The following PHACTR1 variants were observed in gnomAD, a reference collection of about 807,000 sequenced individuals.
The protein encoded by PHACTR1 is phosphatase and actin regulator 1.
In PHACTR1, 16 loss-of-function variants were observed where a neutral mutation model predicts 69.2. The ratio of observed to expected loss-of-function variants is 0.23; its 90% confidence interval spans 0.16 to 0.35. The LOEUF (loss-of-function observed/expected upper bound fraction) is 0.35, where lower values mean the gene tolerates loss of function less well. Among genes scored for constraint, PHACTR1 ranks in the 10% least tolerant of loss-of-function variants. PHACTR1 has a pLI of 1.00. For missense variants in PHACTR1, 510 were observed against 734.7 expected, an observed-to-expected ratio of 0.69 and a Z score of 3.54; for synonymous variants, 312 against 284.5, an observed-to-expected ratio of 1.10 and a Z score of -0.97.
At chr6:12,821,841 C>T (rs1327890442) in intron 4 of PHACTR1, among the ~76,000 whole-genome samples, 1 of 152,182 alleles carries the variant, frequency 6.6e-6, no homozygotes, top group African/African-American at 2.4e-5. Context: ...TGTCAAAGGT[C>T]ACACAAACTG....
At chr6:13,041,339 TACACAC>T (rs368368056) in intron 4 of PHACTR1, among the ~76,000 whole-genome samples, 2,174 of 135,456 alleles carry the variant, frequency 0.016, 65 homozygotes, top group African/African-American at 0.056. Flanking sequence ...TTAAAATACA[TACACAC>T]ACACACACAC....
chr6:12,784,610 A>G (rs1581733703), intron 4 of PHACTR1, among the ~76,000 whole-genome samples: 1 of 151,418 alleles, frequency 6.6e-6, no homozygotes, highest in South Asian at 2.1e-4. Flanking sequence ...ATCTATACAC[A>G]TATATGATGA....
chr6:12,845,296 A>G (rs761425259), intron 4 of PHACTR1, among the ~76,000 whole-genome samples: 2 of 152,098 alleles, frequency 1.3e-5, no homozygotes, highest in Non-Finnish European at 2.9e-5. Context: ...TACCCATCAC[A>G]TAGGCCAGCA....
intron 5 of PHACTR1, among the ~76,000 whole-genome samples, chr6:13,125,741 C>G (rs188536873): frequency 6.6e-6 from 1 of 152,182 alleles, no homozygotes; most frequent in East Asian, 1.9e-4. Flanking sequence ...CCAGCCTGGG[C>G]AACATGGCAA....
chr6:13,129,876 A>G (rs1820139222), intron 5 of PHACTR1, among the ~76,000 whole-genome samples: 1 of 152,130 alleles, frequency 6.6e-6, no homozygotes, highest in Non-Finnish European at 1.5e-5. Context: ...TACATGGAGC[A>G]TTCTCCAAGA....
intron 5 of PHACTR1, among the ~76,000 whole-genome samples, chr6:13,066,315 AAGTC>A (rs1808623107): frequency 1.3e-5 from 2 of 152,218 alleles, no homozygotes; most frequent in Admixed American, 1.3e-4. Flanking sequence ...GTTGAACTGA[AAGTC>A]AGTAAGACAG....
At chr6:12,966,694 C>A (rs1047652504) in intron 4 of PHACTR1, among the ~76,000 whole-genome samples, 14 of 151,964 alleles carry the variant, frequency 9.2e-5, no homozygotes, top group African/African-American at 2.7e-4. Context: ...GTTGATATTG[C>A]AAAAGGGTGG....
chr6:12,828,208 G>A (rs948258624), intron 4 of PHACTR1, among the ~76,000 whole-genome samples: 14 of 152,056 alleles, frequency 9.2e-5, no homozygotes, highest in African/African-American at 1.4e-4. Context: ...TAAAATTCTC[G>A]GCTTAAAGTG....
chr6:13,136,976 A>G (rs1821664553), intron 5 of PHACTR1, among the ~76,000 whole-genome samples: 1 of 152,250 alleles, frequency 6.6e-6, no homozygotes, highest in South Asian at 2.1e-4. Context: ...AAAAATTGCA[A>G]GAATTATCAA....
At position 13,197,274 on chromosome 6, in the gene PHACTR1, G is replaced by A. The variant is rs76313245; in HGVS notation, c.665-8541G>A. Among the ~76,000 whole-genome samples, 73 of 152,320 alleles carry A rather than the reference G, an allele frequency of 4.8e-4. No homozygotes were observed. In the East Asian group the frequency reaches 0.013, roughly 27 times the overall value. On this transcript the variant is annotated intron_variant, in intron 7 of 14. Coordinates refer to ENST00000332995, the MANE Select transcript of PHACTR1 (RefSeq NM_030948.6). ...TTTGTAAAATTAGAAAAAGTGCCCT[G>A]TAGAGGATGCCCCTTCCTCTAGAGT...
chr6:12,737,579 T>G (rs1764448387), intron 3 of PHACTR1, among the ~76,000 whole-genome samples: 1 of 150,154 alleles, frequency 6.7e-6, no homozygotes, highest in East Asian at 2.0e-4. Flanking sequence ...TACTTTACTG[T>G]GTATTTCTTT....
At chr6:12,942,062 GAAAAGTACCCATAAGA>G (rs1790113293) in intron 4 of PHACTR1, among the ~76,000 whole-genome samples, 1 of 152,186 alleles carries the variant, frequency 6.6e-6, no homozygotes, top group African/African-American at 2.4e-5. Context: ...GGGATTAAAG[GAAAAGTACCCATAAGA>G]AAATCTCTGC....
intron 4 of PHACTR1, among the ~76,000 whole-genome samples, chr6:12,826,871 C>A (rs1056669068): frequency 6.6e-6 from 1 of 152,162 alleles, no homozygotes; most frequent in Admixed American, 6.5e-5. Flanking sequence ...CTCCACGACA[C>A]CCTGACTGAC....
chr6:13,022,244 G>T lies in PHACTR1; in HGVS notation c.251-31121G>T, dbSNP rs1377097920. The stretch of plus-strand genomic sequence containing the variant: ...AAGTGGAAATTATCTGATGAAGAGG[G>T]TGTTTGGTTAGAATGAGGAGGCCGA... On this transcript the variant is annotated intron_variant, in intron 4 of 14. Transcript: ENST00000332995. Among the ~76,000 whole-genome samples, 3 of 152,224 alleles carry T rather than the reference G, an allele frequency of 2.0e-5. No individual in the cohort carries two copies. The South Asian group carries it at 6.2e-4, about 31-fold the overall frequency.
intron 6 of PHACTR1, among the ~76,000 whole-genome samples, chr6:13,162,405 G>A (rs1411626541): frequency 2.0e-5 from 3 of 152,092 alleles, no homozygotes; most frequent in Non-Finnish European, 4.4e-5. Flanking sequence ...GGGATTACAG[G>A]TGTGAGCCAC....
At chr6:13,049,340 T>C (rs1394325212) in intron 4 of PHACTR1, among the ~76,000 whole-genome samples, 1 of 152,222 alleles carries the variant, frequency 6.6e-6, no homozygotes, top group Admixed American at 6.5e-5. Flanking sequence ...CCCAGTTATC[T>C]ACTCAGTAAG....
chr6:12,884,108 A>C (rs1200762308), intron 4 of PHACTR1, among the ~76,000 whole-genome samples: 1 of 152,110 alleles, frequency 6.6e-6, no homozygotes, highest in Non-Finnish European at 1.5e-5. Context: ...ATAACCACAC[A>C]CATGTACCCA....
chr6:13,111,348 C>T (rs1561844927), intron 5 of PHACTR1, among the ~76,000 whole-genome samples: 1 of 151,938 alleles, frequency 6.6e-6, no homozygotes, highest in Non-Finnish European at 1.5e-5. Context: ...TTTGGAACTC[C>T]ATTTATTTTA....
At chr6:13,223,845 C>G (rs1769092805) in intron 8 of PHACTR1, among the ~76,000 whole-genome samples, 1 of 152,174 alleles carries the variant, frequency 6.6e-6, no homozygotes, top group African/African-American at 2.4e-5. Flanking sequence ...TCTCTATTCA[C>G]TCTCCCTTCT....
Sources: gnomAD v4.1 joint callset for allele counts (sites outside exome capture counted in the v4.1 genomes callset) on GRCh38, gnomAD v4.1.1 for gene constraint, MANE v1.5 for transcripts, NCBI Gene and HGNC (gene_info 2026-07-23, HGNC 2026-07-21) for gene names.